SSBP2: variants seen among roughly 807,000 people sequenced by gnomAD.
SSBP2 encodes the protein single-stranded DNA-binding protein 2.
In SSBP2, 17 loss-of-function variants were observed where a neutral mutation model predicts 61.8. That is an observed-to-expected ratio of 0.28 (90% confidence interval 0.19 to 0.41). SSBP2 has a LOEUF of 0.41. Ranked by LOEUF, SSBP2 falls within the 10% of genes least tolerant of loss-of-function variation. SSBP2 has a pLI of 1.00. For missense variants in SSBP2, 310 were observed against 458.7 expected (o/e 0.68, Z 2.96); for synonymous variants, 139 against 141.3 (o/e 0.98, Z 0.12).
rs68107334 is a variant in SSBP2, at chr5:81,646,688, A to ATT, written c.135+3577_135+3578dup. 4.1e-3 allele frequency among the ~76,000 whole-genome samples: 352 copies of ATT among 85,924 alleles called. 4 individuals are homozygous for ATT. The highest frequency in any genetic ancestry group is 0.013 in the African/African-American group (290 of 22,326). The allele number at this position is 85,924 out of a possible 152,430, so 56.4% of individuals were successfully genotyped here. Reference sequence around the variant, plus strand: ...ACCAGAGTACAAACCTGATGATGTCATTTTTTTTTTTTTTTTTTTTTTTTT... The same window carrying ATT: ...ACCAGAGTACAAACCTGATGATGTCATTTTTTTTTTTTTTTTTTTTTTTTTTT... On this transcript the variant is annotated intron_variant, in intron 2 of 16. Coordinates refer to ENST00000320672, the MANE Select transcript of SSBP2 (RefSeq NM_012446.5).
At chr5:81,707,539 G>A (rs569184541) in intron 1 of SSBP2, among the ~76,000 whole-genome samples, 2 of 152,210 alleles carry the variant, frequency 1.3e-5, no homozygotes, top group Admixed American at 1.3e-4. Context: ...TCCTCAGGAG[G>A]AACCAATCCC....
chr5:81,726,319 C>G (rs1040324266), intron 1 of SSBP2, among the ~76,000 whole-genome samples: 1 of 152,068 alleles, frequency 6.6e-6, no homozygotes, highest in Non-Finnish European at 1.5e-5. Flanking sequence ...GGTATTCCTG[C>G]CCCATACCTT....
At chr5:81,518,375 G>C (rs567071799) in intron 4 of SSBP2, among the ~76,000 whole-genome samples, 1 of 152,178 alleles carries the variant, frequency 6.6e-6, no homozygotes, top group South Asian at 2.1e-4. Flanking sequence ...GGGCCCTTTA[G>C]GAGGTGAGTA....
intron 4 of SSBP2, among the ~76,000 whole-genome samples, chr5:81,575,758 A>C (rs1279479200): frequency 1.3e-5 from 2 of 152,200 alleles, no homozygotes; most frequent in African/African-American, 4.8e-5. Context: ...AGGCTGTAGA[A>C]AATTTGAAAG....
At chr5:81,602,936 C>T (rs1375196902) in intron 4 of SSBP2, among the ~76,000 whole-genome samples, 1 of 152,152 alleles carries the variant, frequency 6.6e-6, no homozygotes, top group Non-Finnish European at 1.5e-5. Flanking sequence ...CAATCCCTCA[C>T]CATCAGTCTC....
At chr5:81,513,564 C>T in intron 5 of SSBP2, 64 bp downstream of exon 5, 1 of 1,010,196 alleles carries the variant, frequency 9.9e-7, no homozygotes. Context: ...TCCTTCGTAT[C>T]TTTAATAAAA....
At chr5:81,747,611 GA>G in intron 1 of SSBP2, among the ~76,000 whole-genome samples, 1 of 151,660 alleles carries the variant, frequency 6.6e-6, no homozygotes, top group Non-Finnish European at 1.5e-5. Context: ...GGAGGTCACT[GA>G]AAAAAAATTT....
intron 4 of SSBP2, among the ~76,000 whole-genome samples, chr5:81,598,300 G>C (rs1045849730): frequency 6.6e-6 from 1 of 151,984 alleles, no homozygotes; most frequent in African/African-American, 2.4e-5. Context: ...TTGCCATACA[G>C]AACACAATGG....
chr5:81,506,367 T>A (rs564222354), intron 5 of SSBP2, among the ~76,000 whole-genome samples: 37 of 152,270 alleles, frequency 2.4e-4, no homozygotes, highest in African/African-American at 7.9e-4. Context: ...TGAATTTTTT[T>A]AAACTATATA....
intron 1 of SSBP2, among the ~76,000 whole-genome samples, chr5:81,744,197 CTCTT>C (rs1215881890): frequency 1.3e-5 from 2 of 152,160 alleles, no homozygotes; most frequent in Non-Finnish European, 2.9e-5. Flanking sequence ...AAAACACAAA[CTCTT>C]TATATACTAT....
At chr5:81,716,182 TA>T (rs1405459621) in intron 1 of SSBP2, among the ~76,000 whole-genome samples, 1 of 151,922 alleles carries the variant, frequency 6.6e-6, no homozygotes, top group African/African-American at 2.4e-5. Flanking sequence ...AATATAAACT[TA>T]TTTGGATTTA....
chr5:81,748,871 C>A (rs1757522882), intron 1 of SSBP2, among the ~76,000 whole-genome samples: 3 of 151,992 alleles, frequency 2.0e-5, no homozygotes, highest in Admixed American at 2.0e-4. Flanking sequence ...TATGCAAGTT[C>A]CAACATCCTT....
intron 5 of SSBP2, among the ~76,000 whole-genome samples, chr5:81,493,290 ATAGATAGATAG>A (rs1767016772): frequency 6.6e-6 from 1 of 151,654 alleles, no homozygotes; most frequent in Non-Finnish European, 1.5e-5. Flanking sequence ...AGATAGATAG[ATAGATAGATAG>A]ATTAACAGGG....
chr5:81,569,015 G>A (rs965261447), intron 4 of SSBP2, among the ~76,000 whole-genome samples: 1 of 152,142 alleles, frequency 6.6e-6, no homozygotes, highest in Admixed American at 6.6e-5. Context: ...GTCTTCTGAA[G>A]CCCCCTAGAG....
At chr5:81,559,273 G>C (rs998348075) in intron 4 of SSBP2, among the ~76,000 whole-genome samples, 4 of 151,788 alleles carry the variant, frequency 2.6e-5, no homozygotes, top group African/African-American at 9.7e-5. Context: ...TGTAATCCCA[G>C]CTATTCAGGA....
At chr5:81,604,232 C>T (rs1246217113) in intron 4 of SSBP2, among the ~76,000 whole-genome samples, 3 of 150,754 alleles carry the variant, frequency 2.0e-5, no homozygotes, top group Non-Finnish European at 4.4e-5. Context: ...ACAGTGATGG[C>T]TTCATGAATT....
chr5:81,625,053 C>T (rs1204719828), intron 3 of SSBP2, among the ~76,000 whole-genome samples: 1 of 152,056 alleles, frequency 6.6e-6, no homozygotes, highest in African/African-American at 2.4e-5. Context: ...ATATATGCTA[C>T]ATAACTTGAT....
intron 6 of SSBP2, among the ~76,000 whole-genome samples, chr5:81,488,057 AT>A (rs1561459519): frequency 1.9e-4 from 12 of 63,238 alleles, no homozygotes; most frequent in Admixed American, 6.6e-4. Flanking sequence ...ATATATATAT[AT>A]AAATAAAATA....
chr5:81,631,168 T>G (rs933764640), intron 3 of SSBP2, among the ~76,000 whole-genome samples: 1 of 152,202 alleles, frequency 6.6e-6, no homozygotes, highest in Admixed American at 6.5e-5. Flanking sequence ...AGCATAATGA[T>G]GGTGCTTAAC....
Sources: allele counts gnomAD v4.1 joint callset (sites outside exome capture counted in the v4.1 genomes callset), GRCh38; gene constraint gnomAD v4.1.1; transcripts MANE v1.5; gene names NCBI Gene and HGNC (gene_info 2026-07-23, HGNC 2026-07-21).